Variants in AK3 observed in about 807,000 individuals in gnomAD.
AK3 encodes adenylate kinase 3, also known as GTP:AMP phosphotransferase AK3, mitochondrial.
A neutral mutation model predicts 23.7 loss-of-function variants in AK3; 27 were observed. That is an observed-to-expected ratio of 1.14 (90% CI 0.84 to 1.57). AK3 has a LOEUF of 1.57. AK3 is among the 40% of genes most tolerant of loss of function. AK3 has a pLI of 0.00. For missense variants in AK3, 406 were observed against 285.6 expected (o/e 1.42, Z -3.04); for synonymous variants, 159 against 116.0 (o/e 1.37, Z -2.38).
intron 1 of AK3, among the ~76,000 whole-genome samples, chr9:4,735,174 T>A (rs1842241089): frequency 6.8e-6 from 1 of 146,742 alleles, no homozygotes; most frequent in Non-Finnish European, 1.5e-5. Flanking sequence ...AGGGGAGGAT[T>A]ACTTGAGGCT....
chr9:4,722,041 G>A (rs1374493066), intron 2 of AK3, among the ~76,000 whole-genome samples: 1 of 152,200 alleles, frequency 6.6e-6, no homozygotes. Context: ...AGATCTTCTT[G>A]AAGAAAAGGC....
In AK3 at chr9:4,722,586, T is replaced by A. The variant is rs1841928351; in HGVS notation, c.191A>T (p.Lys64Ile). 1.2e-6 allele frequency: 2 copies of A among 1,614,094 alleles called. No homozygotes were observed. Among genetic ancestry groups the A allele is most frequent in the Non-Finnish European group, 1.7e-6 (2 of 1,180,036 alleles). Reference sequence around the variant, plus strand: ...AGTCATGACATCATCTGGGATGAGTTTCCCTTGGTCAATGAAAGCCTTGGC... The same window carrying A: ...AGTCATGACATCATCTGGGATGAGTATCCCTTGGTCAATGAAAGCCTTGGC... ...VLAKAFIDQG[K>I]LIPDDVMTRL... Residue 64 changes from lysine to isoleucine, a missense_variant, in exon 2 of 5, where the codon AAA (lysine) becomes ATA (isoleucine). Coordinates refer to ENST00000381809, the MANE Select transcript of AK3 (RefSeq NM_016282.4).
At chr9:4,739,544 T>C (rs1043008190) in intron 1 of AK3, among the ~76,000 whole-genome samples, 5 of 151,388 alleles carry the variant, frequency 3.3e-5, no homozygotes, top group Non-Finnish European at 7.4e-5. Context: ...AATGGATTTG[T>C]CCGTTTTCAT....
At chr9:4,714,065 C>CACCTACACGTAT (rs1841645090) in intron 4 of AK3, among the ~76,000 whole-genome samples, 2 of 21,502 alleles carry the variant, frequency 9.3e-5, no homozygotes, top group Admixed American at 6.2e-4. Flanking sequence ...TACACATATA[C>CACCTACACGTAT]ACACCTACAC....
intron 1 of AK3, among the ~76,000 whole-genome samples, chr9:4,739,048 C>T (rs997472710): frequency 2.6e-5 from 4 of 152,086 alleles, no homozygotes; most frequent in Non-Finnish European, 4.4e-5. Flanking sequence ...GCTGGGATTA[C>T]AAGCATGAGC....
upstream of AK3, chr9:4,741,295 C>A (rs1028864325): frequency 2.3e-6 from 1 of 442,508 alleles, no homozygotes; most frequent in Admixed American, 4.5e-5. Flanking sequence ...TCTCGGCTAC[C>A]CCGGCGCACC....
intron 1 of AK3, among the ~76,000 whole-genome samples, chr9:4,735,462 A>ATG (rs199886005): frequency 0.32 from 25,457 of 78,458 alleles, 6,154 homozygotes; most frequent in Admixed American, 0.42. Flanking sequence ...TACATAGTAT[A>ATG]TGTGTATATA....
intron 3 of AK3, among the ~76,000 whole-genome samples, chr9:4,718,800 T>C (rs1158195506): frequency 6.6e-6 from 1 of 152,180 alleles, no homozygotes; most frequent in East Asian, 1.9e-4. Context: ...TTCATATATA[T>C]TCAAAAAGAT....
Position 4,710,412 on chromosome 9 carries a change from G to A in AK3, c.*2564C>T, listed in dbSNP as rs1395544869. 6.8e-6 allele frequency: 1 copy of A among 146,156 alleles called. No individual in the cohort carries two copies. Among genetic ancestry groups the A allele is most frequent in the Non-Finnish European group, 1.5e-5 (1 of 65,502 alleles). The allele number at this position is 146,156 out of a possible 1,614,324, so 9.1% of individuals were successfully genotyped here. A position where few individuals can be genotyped will look rare whatever the true frequency, so the allele number is the denominator to read the frequency against. On this transcript the variant is annotated 3_prime_UTR_variant, in exon 5 of 5. Transcript: ENST00000381809. ...TTTTTTGTATTTTTAGTAGAGACGG[G>A]GTTTCACCGTGTTAGCCAGGATGGT...
chr9:4,739,993 T>C (rs528702165), intron 1 of AK3, among the ~76,000 whole-genome samples: 1 of 145,614 alleles, frequency 6.9e-6, no homozygotes, highest in South Asian at 2.1e-4. Flanking sequence ...AGAATGGGAC[T>C]GAGGTAGGGA....
At position 4,718,530 on chromosome 9, in the gene AK3, T is replaced by C. The variant is rs1245230678; in HGVS notation, c.452A>G (p.Asp151Gly). 1.2e-6 allele frequency: 2 copies of C among 1,611,016 alleles called. No individual in the cohort carries two copies. The highest frequency in any genetic ancestry group is 8.5e-7 in the Non-Finnish European group (1 of 1,177,300). Residue 151 changes from aspartate to glycine, a missense_variant, in exon 4 of 5, where the codon GAT (aspartate) becomes GGT (glycine). By Grantham distance (94) the Asp-to-Gly change is moderately conservative. Coordinates refer to ENST00000381809, the MANE Select transcript of AK3 (RefSeq NM_016282.4). ...EFNPPKTVGI[D>G]DLTGEPLIQR... Reference sequence around the variant, plus strand: ...AATGAGAGGCTCCCCAGTCAGGTCATCAATGCCCTAAACAGGATTAGAAGA... The same window carrying C: ...AATGAGAGGCTCCCCAGTCAGGTCACCAATGCCCTAAACAGGATTAGAAGA...
At chr9:4,721,941 G>T (rs960887951) in intron 2 of AK3, among the ~76,000 whole-genome samples, 11 of 152,192 alleles carry the variant, frequency 7.2e-5, no homozygotes, top group African/African-American at 2.7e-4. Flanking sequence ...CTGAGTGCAC[G>T]CGTGCCTGTG....
intron 2 of AK3, among the ~76,000 whole-genome samples, chr9:4,720,518 T>C (rs2130883067): frequency 6.6e-6 from 1 of 152,064 alleles, no homozygotes; most frequent in Admixed American, 6.6e-5. Flanking sequence ...ACCCCTTCTC[T>C]ATAAATAACA....
At chr9:4,738,521 G>A (rs769294805) in intron 1 of AK3, among the ~76,000 whole-genome samples, 3 of 149,798 alleles carry the variant, frequency 2.0e-5, no homozygotes, top group Non-Finnish European at 4.4e-5. Context: ...CTATAAATGA[G>A]AATAAAAAAG....
rs1315101387 is a variant in AK3 at position 4,732,439 on chromosome 9, C to T, written c.151+8498G>A. ...GTGGATTTTTGACTACACTAGGAAT[C>T]GGCAGCCCTAACCCCAAAGTTGTTC... On this transcript the variant is annotated intron_variant, in intron 1 of 4. Coordinates refer to ENST00000381809, the MANE Select transcript of AK3 (RefSeq NM_016282.4). Among the ~76,000 whole-genome samples, 9 of 152,124 alleles carry T rather than the reference C, an allele frequency of 5.9e-5. No homozygotes were observed. In the East Asian group the frequency reaches 7.7e-4, roughly 13 times the overall value.
At chr9:4,722,702 A>G (rs1313914231) in intron 1 of AK3, 77 bp from the exon 2 acceptor site, 2 of 1,582,610 alleles carry the variant, frequency 1.3e-6, no homozygotes, top group African/African-American at 1.3e-5. Flanking sequence ...CGAGTTGCCT[A>G]AAGGGGAAGT....
intron 1 of AK3, among the ~76,000 whole-genome samples, chr9:4,729,389 T>A (rs566172306): frequency 2.8e-4 from 43 of 152,152 alleles, no homozygotes; most frequent in Non-Finnish European, 5.0e-4. Flanking sequence ...GGCAGGAGGC[T>A]GAGGCCCAGG....
intron 2 of AK3, 134 bp from the exon 3 acceptor site, chr9:4,719,441 C>T (rs977064952): frequency 1.2e-6 from 1 of 816,692 alleles, no homozygotes; most frequent in Non-Finnish European, 1.9e-6. Flanking sequence ...ATGAGGCTCA[C>T]CAGGCAGGCC....
intron 1 of AK3, among the ~76,000 whole-genome samples, chr9:4,732,856 TTCTCTC>T (rs775500324): frequency 1.4e-5 from 2 of 145,604 alleles, no homozygotes; most frequent in East Asian, 4.2e-4. Context: ...TAAATAACAG[TTCTCTC>T]TCTCTCTCTT....
Sources: allele counts gnomAD v4.1 joint callset (sites outside exome capture counted in the v4.1 genomes callset), GRCh38; gene constraint gnomAD v4.1.1; transcripts MANE v1.5; gene names NCBI Gene and HGNC (gene_info 2026-07-23, HGNC 2026-07-21).